CAST: variants seen among roughly 807,000 people sequenced by gnomAD.
CAST encodes the protein calpastatin.
CAST carries 76 observed loss-of-function variants against 119.6 expected under a neutral mutation model. That is an observed-to-expected ratio of 0.64 (90% CI 0.53 to 0.77). CAST has a LOEUF of 0.77. Among genes scored for constraint, CAST ranks in the 30% least tolerant of loss-of-function variants. The pLI is 0.00. For missense variants in CAST, 953 were observed against 946.5 expected (o/e 1.01, Z -0.09); for synonymous variants, 319 against 331.6 (o/e 0.96, Z 0.41).
At chr5:95,983,554 G>A in the CAST span, among the ~76,000 whole-genome samples, 2 of 152,068 alleles carry the variant, frequency 1.3e-5, no homozygotes, top group African/African-American at 4.8e-5. Flanking sequence ...GTCCATAATC[G>A]TGTTACTTTA....
the CAST span, among the ~76,000 whole-genome samples, chr5:96,140,305 T>A: frequency 6.6e-6 from 1 of 152,242 alleles, no homozygotes; most frequent in Non-Finnish European, 1.5e-5. Context: ...GGCTGGAGAT[T>A]GAGCTATTTG....
the CAST span, among the ~76,000 whole-genome samples, chr5:96,289,227 A>G: frequency 6.6e-6 from 1 of 152,132 alleles, no homozygotes; most frequent in Non-Finnish European, 1.5e-5. Flanking sequence ...ATTTTCCTCA[A>G]AGTATCTGAA....
intron 1 of CAST, among the ~76,000 whole-genome samples, chr5:96,618,800 C>A (rs762738131): frequency 6.6e-6 from 1 of 152,210 alleles, no homozygotes; most frequent in Non-Finnish European, 1.5e-5. Flanking sequence ...TCCCCCACCC[C>A]GTGGGCTCCC....
chr5:96,459,915 A>C, the CAST span, among the ~76,000 whole-genome samples: 1 of 152,192 alleles, frequency 6.6e-6, no homozygotes, highest in Non-Finnish European at 1.5e-5. Context: ...AGACGTAAGC[A>C]GAATAAGGCT....
At chr5:96,449,398 C>T in the CAST span, among the ~76,000 whole-genome samples, 10 of 152,156 alleles carry the variant, frequency 6.6e-5, no homozygotes, top group Non-Finnish European at 1.0e-4. Context: ...GGGTTTCATG[C>T]TCTTATGAGA....
At chr5:96,593,160 C>A (rs1746994742) in intron 1 of CAST, among the ~76,000 whole-genome samples, 1 of 152,254 alleles carries the variant, frequency 6.6e-6, no homozygotes, top group South Asian at 2.1e-4. Context: ...TGTCGTCCCC[C>A]AAACACACAA....
intron 1 of CAST, among the ~76,000 whole-genome samples, chr5:96,563,204 A>C (rs772827483): frequency 6.6e-6 from 1 of 152,180 alleles, no homozygotes; most frequent in Non-Finnish European, 1.5e-5. Context: ...CAAAACTCCC[A>C]TAAAAAATAG....
intron 27 of CAST, 25 bp downstream of exon 27, chr5:96,766,170 C>T (rs770268273): frequency 2.7e-5 from 34 of 1,245,180 alleles, no homozygotes; most frequent in Non-Finnish European, 3.6e-5. Context: ...ATTGCTAGAT[C>T]GGATTTATGC....
the CAST span, among the ~76,000 whole-genome samples, chr5:96,475,244 C>T: frequency 6.6e-6 from 1 of 152,214 alleles, no homozygotes; most frequent in Non-Finnish European, 1.5e-5. Context: ...ACTGCGGATA[C>T]ACCTGAGATC....
At chr5:96,212,159 T>C in the CAST span, among the ~76,000 whole-genome samples, 1 of 152,160 alleles carries the variant, frequency 6.6e-6, no homozygotes, top group Non-Finnish European at 1.5e-5. Context: ...TTTTATTTTC[T>C]TCTATTTATT....
chr5:96,550,569 C>G (rs145437146), intron 1 of CAST, among the ~76,000 whole-genome samples: 7 of 152,092 alleles, frequency 4.6e-5, no homozygotes, highest in African/African-American at 1.4e-4. Flanking sequence ...ATGAGTTTGA[C>G]GAGTTGACAG....
At chr5:96,662,631 G>A in intron 1 of CAST, 134 bp downstream of exon 1, 1 of 965,994 alleles carries the variant, frequency 1.0e-6, no homozygotes, top group Non-Finnish European at 1.3e-6. Context: ...CAGGGAGAGG[G>A]CTAGGGGCTT....
chr5:96,413,005 G>GCCACACA, the CAST span: 3 of 979,730 alleles, frequency 3.1e-6, no homozygotes, highest in East Asian at 3.3e-4. Context: ...CCCAGTCTAC[G>GCCACACA]CCACACAAGG....
At chr5:96,040,524 CTT>C in the CAST span, among the ~76,000 whole-genome samples, 2 of 152,050 alleles carry the variant, frequency 1.3e-5, no homozygotes, top group Non-Finnish European at 2.9e-5. Flanking sequence ...CTAAATAGCT[CTT>C]TTTATTTTGA....
chr5:96,449,617 A>G, the CAST span, among the ~76,000 whole-genome samples: 1 of 152,172 alleles, frequency 6.6e-6, no homozygotes, highest in African/African-American at 2.4e-5. Flanking sequence ...CTTCTTAAAT[A>G]CTTTGCCATG....
At chr5:96,518,786 G>T in the CAST span, among the ~76,000 whole-genome samples, 22 of 152,232 alleles carry the variant, frequency 1.4e-4, no homozygotes, top group African/African-American at 5.1e-4. Context: ...AGGCCGAGGC[G>T]GGTGGATCAT....
At chr5:96,198,482 G>A in the CAST span, among the ~76,000 whole-genome samples, 1 of 152,080 alleles carries the variant, frequency 6.6e-6, no homozygotes, top group Non-Finnish European at 1.5e-5. Context: ...TCCCCAAGCT[G>A]TGGGGACACA....
chr5:96,055,960 G>T, the CAST span, among the ~76,000 whole-genome samples: 2 of 151,988 alleles, frequency 1.3e-5, no homozygotes, highest in African/African-American at 4.8e-5. Context: ...AAAAAACCCA[G>T]CCAGTTATGT....
chr5:96,281,340 T>C, the CAST span, among the ~76,000 whole-genome samples: 1 of 152,194 alleles, frequency 6.6e-6, no homozygotes, highest in African/African-American at 2.4e-5. Context: ...ATTAACAGAA[T>C]TCTTTTTGTT....
Sources: allele counts gnomAD v4.1 joint callset (sites outside exome capture counted in the v4.1 genomes callset), GRCh38; gene constraint gnomAD v4.1.1; transcripts MANE v1.5; gene names NCBI Gene and HGNC (gene_info 2026-07-23, HGNC 2026-07-21).